JAZF1: variants seen among roughly 807,000 people sequenced by gnomAD.
The protein encoded by JAZF1 is juxtaposed with another zinc finger protein 1.
A neutral mutation model predicts 26.4 loss-of-function variants in JAZF1; 8 were observed. That is an observed-to-expected ratio of 0.30 (90% confidence interval 0.18 to 0.55). JAZF1 has a LOEUF of 0.55. Among genes scored for constraint, JAZF1 ranks in the 20% least tolerant of loss-of-function variants. JAZF1 has a pLI of 0.94. For missense variants in JAZF1, 199 were observed against 322.0 expected (o/e 0.62, Z 2.92); for synonymous variants, 126 against 122.3 (o/e 1.03, Z -0.20).
chr7:28,101,238 T>A (rs1784466397), intron 1 of JAZF1, among the ~76,000 whole-genome samples: 1 of 152,232 alleles, frequency 6.6e-6, no homozygotes, highest in Admixed American at 6.5e-5. Context: ...ACAATCAATC[T>A]GATATTTCTG....
intron 1 of JAZF1, among the ~76,000 whole-genome samples, chr7:28,130,713 T>C (rs924852162): frequency 6.6e-6 from 1 of 152,228 alleles, no homozygotes; most frequent in Admixed American, 6.5e-5. Flanking sequence ...ATGTAGACTG[T>C]CGAGTGGTAC....
chr7:27,854,538 T>C (rs7797888), intron 3 of JAZF1, among the ~76,000 whole-genome samples: 17,214 of 152,236 alleles, frequency 0.11, 1,009 homozygotes, highest in African/African-American at 0.13. Context: ...AGTGCTTCCT[T>C]CAAGAGCTCT....
intron 1 of JAZF1, among the ~76,000 whole-genome samples, chr7:28,111,807 G>A (rs756430969): frequency 3.2e-4 from 49 of 152,312 alleles, no homozygotes; most frequent in Admixed American, 2.3e-3. Flanking sequence ...GTGCATGTGT[G>A]TATGTGTTAC....
intron 2 of JAZF1, among the ~76,000 whole-genome samples, chr7:27,991,684 G>A (rs1320519702): frequency 6.6e-6 from 1 of 152,086 alleles, no homozygotes; most frequent in Non-Finnish European, 1.5e-5. Flanking sequence ...CTTCCAAAAT[G>A]AGCTTATAAA....
intron 2 of JAZF1, among the ~76,000 whole-genome samples, chr7:27,970,523 T>C (rs936790089): frequency 3.9e-5 from 6 of 152,248 alleles, no homozygotes; most frequent in Non-Finnish European, 8.8e-5. Context: ...GTAGCATTTC[T>C]TTCAATTATG....
intron 1 of JAZF1, among the ~76,000 whole-genome samples, chr7:28,055,103 T>A (rs1007226797): frequency 6.6e-6 from 1 of 151,976 alleles, no homozygotes; most frequent in Non-Finnish European, 1.5e-5. Flanking sequence ...TTTTAAAAGT[T>A]CCCAATATAG....
At chr7:27,946,767 A>T (rs181426906) in intron 2 of JAZF1, among the ~76,000 whole-genome samples, 1 of 152,342 alleles carries the variant, frequency 6.6e-6, no homozygotes, top group East Asian at 1.9e-4. Context: ...TCACAAACAC[A>T]GATTTATACA....
intron 1 of JAZF1, among the ~76,000 whole-genome samples, chr7:28,012,803 A>G (rs963094525): frequency 5.3e-5 from 8 of 151,708 alleles, no homozygotes; most frequent in African/African-American, 1.9e-4. Flanking sequence ...ATCTCTTGAG[A>G]CTCTTCTCCT....
intron 3 of JAZF1, among the ~76,000 whole-genome samples, chr7:27,849,439 G>A (rs1381814107): frequency 1.3e-5 from 2 of 152,158 alleles, no homozygotes; most frequent in South Asian, 2.1e-4. Flanking sequence ...GCAAGAAAAC[G>A]TAATTTAACC....
At chr7:28,138,139 T>C (rs888737464) in intron 1 of JAZF1, among the ~76,000 whole-genome samples, 2 of 152,136 alleles carry the variant, frequency 1.3e-5, no homozygotes, top group Admixed American at 6.5e-5. Context: ...AACAAGCAGG[T>C]ATAAACTCTC....
chr7:27,860,154 C>T (rs1428560649), intron 3 of JAZF1, among the ~76,000 whole-genome samples: 1 of 152,148 alleles, frequency 6.6e-6, no homozygotes, highest in Non-Finnish European at 1.5e-5. Context: ...TATGATAGCT[C>T]ACATTTATTT....
intron 1 of JAZF1, among the ~76,000 whole-genome samples, chr7:28,072,152 TCA>T (rs1783987743): frequency 6.6e-6 from 1 of 152,226 alleles, no homozygotes; most frequent in South Asian, 2.1e-4. Context: ...TGGCTGGGCT[TCA>T]CACACAGTTT....
At chr7:28,078,204 G>A (rs371378175) in intron 1 of JAZF1, among the ~76,000 whole-genome samples, 21 of 152,282 alleles carry the variant, frequency 1.4e-4, no homozygotes, top group South Asian at 1.0e-3. Flanking sequence ...TACCACTTAC[G>A]GGCAGGATGG....
At chr7:27,896,473 G>C (rs895394282) in intron 2 of JAZF1, among the ~76,000 whole-genome samples, 1 of 152,142 alleles carries the variant, frequency 6.6e-6, no homozygotes, top group African/African-American at 2.4e-5. Context: ...CTAAGAAACA[G>C]AACATTCCAT....
At chr7:28,121,260 C>T (rs2127937970) in intron 1 of JAZF1, among the ~76,000 whole-genome samples, 1 of 152,026 alleles carries the variant, frequency 6.6e-6, no homozygotes. Flanking sequence ...CTTTACCCTC[C>T]CCTCTGGCCA....
chr7:28,003,427 T>A (rs1782637617), intron 1 of JAZF1, among the ~76,000 whole-genome samples: 1 of 152,186 alleles, frequency 6.6e-6, no homozygotes, highest in African/African-American at 2.4e-5. Flanking sequence ...GAATTAGTTA[T>A]TAGTGGGCAA....
At chr7:27,970,120 T>C (rs1383176543) in intron 2 of JAZF1, among the ~76,000 whole-genome samples, 1 of 152,162 alleles carries the variant, frequency 6.6e-6, no homozygotes, top group Non-Finnish European at 1.5e-5. Flanking sequence ...TCTGTGCAAG[T>C]TCTTTGTAAA....
At chr7:28,023,103 G>A (rs1783033960) in intron 1 of JAZF1, among the ~76,000 whole-genome samples, 1 of 152,178 alleles carries the variant, frequency 6.6e-6, no homozygotes, top group African/African-American at 2.4e-5. Flanking sequence ...TAAGACAGGG[G>A]TAGTACAAAC....
At chr7:27,978,628 C>T (rs1289532421) in intron 2 of JAZF1, among the ~76,000 whole-genome samples, 2 of 152,138 alleles carry the variant, frequency 1.3e-5, no homozygotes, top group African/African-American at 4.8e-5. Flanking sequence ...AGTGATATTA[C>T]AATTACCTCA....
Sources: allele counts gnomAD v4.1 joint callset (sites outside exome capture counted in the v4.1 genomes callset), GRCh38; gene constraint gnomAD v4.1.1; transcripts MANE v1.5; gene names NCBI Gene and HGNC (gene_info 2026-07-23, HGNC 2026-07-21).